Variants in RASAL2 observed in about 807,000 individuals in gnomAD.
RASAL2 encodes the protein RAS protein activator like 2.
In RASAL2, 58 loss-of-function variants were observed where a neutral mutation model predicts 128.9. That is an observed-to-expected ratio of 0.45 (90% CI 0.36 to 0.56). The LOEUF (loss-of-function observed/expected upper bound fraction) is 0.56, where lower values mean the gene tolerates loss of function less well. Among genes scored for constraint, RASAL2 ranks in the 20% least tolerant of loss-of-function variants. RASAL2 has a pLI of 0.00. For missense variants in RASAL2, 1,360 were observed against 1,601.6 expected, an observed-to-expected ratio of 0.85 and a Z score of 2.57; for synonymous variants, 561 against 580.8, an observed-to-expected ratio of 0.97 and a Z score of 0.49.
chr1:178,203,178 C>G (rs139169835), intron 1 of RASAL2, among the ~76,000 whole-genome samples: 11 of 152,306 alleles, frequency 7.2e-5, no homozygotes, highest in African/African-American at 2.6e-4. Flanking sequence ...CATATGTGGA[C>G]TCAAGGAATG....
At position 178,326,190 on chromosome 1, in the gene RASAL2, A is replaced by G. The variant is rs537012357; in HGVS notation, c.457+26072A>G. 3.3e-5 allele frequency among the ~76,000 whole-genome samples: 5 copies of G among 152,332 alleles called. 1 individual carries two copies. In the South Asian group the frequency reaches 1.0e-3, roughly 32 times the overall value. On this transcript the variant is annotated intron_variant, in intron 3 of 17. Coordinates refer to ENST00000367649, the MANE Select transcript of RASAL2 (RefSeq NM_170692.4). ...CTTTCCCAAGAAAAATTAATTTTGC[A>G]GAATCTCATGTACCCATGTAAAAGG...
intron 17 of RASAL2, among the ~76,000 whole-genome samples, chr1:178,471,120 T>A (rs1300248285): frequency 6.6e-6 from 1 of 152,188 alleles, no homozygotes; most frequent in Non-Finnish European, 1.5e-5. Flanking sequence ...AAATCAAATT[T>A]TTTATGAATT....
intron 4 of RASAL2, among the ~76,000 whole-genome samples, chr1:178,407,625 A>G (rs1489070988): frequency 6.6e-6 from 1 of 152,198 alleles, no homozygotes. Flanking sequence ...ATTTAAAAAT[A>G]GTTAATCACT....
intron 3 of RASAL2, among the ~76,000 whole-genome samples, chr1:178,325,234 A>G (rs1668981959): frequency 6.6e-6 from 1 of 152,204 alleles, no homozygotes; most frequent in South Asian, 2.1e-4. Context: ...GGAAAAATTC[A>G]AGGTAGAAAA....
chr1:178,135,230 T>C (rs1199050358), intron 1 of RASAL2, among the ~76,000 whole-genome samples: 1 of 152,290 alleles, frequency 6.6e-6, no homozygotes, highest in Non-Finnish European at 1.5e-5. Flanking sequence ...TGCATTGACA[T>C]GGTTAATGCA....
chr1:178,331,617 C>T (rs1372487852), intron 3 of RASAL2, among the ~76,000 whole-genome samples: 3 of 125,346 alleles, frequency 2.4e-5, no homozygotes, highest in East Asian at 2.2e-4. Context: ...GACAGATTCT[C>T]GCACTGTCAT....
Position 178,475,169 on chromosome 1 carries a change from CTTTCATAGCAATCCCTG to C in RASAL2, c.*1935_*1951del, listed in dbSNP as rs1242252772. The C allele has an allele frequency of 6.6e-6, 1 of 152,196 alleles. No individual in the cohort carries two copies. The highest frequency in any genetic ancestry group is 2.4e-5 in the African/African-American group (1 of 41,444). 9.4% of individuals were successfully genotyped at this position (152,196 alleles called of 1,614,324 possible). On this transcript the variant is annotated 3_prime_UTR_variant, in exon 18 of 18. Transcript: ENST00000367649. ...AACCCACAACCTTTTAAAACAGTTTCTTTCATAGCAATCCCTGTTTCTGCCAGACAGATCTAAAATGG... is the reference window on the plus strand; with the variant it reads ...AACCCACAACCTTTTAAAACAGTTTCTTTCTGCCAGACAGATCTAAAATGG...
chr1:178,445,874 A>G (rs542222088), intron 9 of RASAL2, among the ~76,000 whole-genome samples: 1 of 152,276 alleles, frequency 6.6e-6, no homozygotes, highest in African/African-American at 2.4e-5. Flanking sequence ...GTCAGCATAC[A>G]CTGCTACCCC....
At chr1:178,288,445 C>T (rs1020256932) in intron 2 of RASAL2, among the ~76,000 whole-genome samples, 1 of 151,858 alleles carries the variant, frequency 6.6e-6, no homozygotes, top group Non-Finnish European at 1.5e-5. Flanking sequence ...GCAACTGTTT[C>T]CTTCTACCCT....
chr1:178,367,416 C>T (rs1456368849), intron 3 of RASAL2, among the ~76,000 whole-genome samples: 4 of 152,106 alleles, frequency 2.6e-5, no homozygotes, highest in Non-Finnish European at 5.9e-5. Context: ...TTTTGCTTTA[C>T]TCTTCTCCTT....
At chr1:178,254,889 A>G (rs1003392697) in intron 1 of RASAL2, among the ~76,000 whole-genome samples, 8 of 152,210 alleles carry the variant, frequency 5.3e-5, no homozygotes, top group Non-Finnish European at 8.8e-5. Flanking sequence ...ACTGTCAGTC[A>G]AGTACAAGGA....
chr1:178,255,405 GTAATATATCATAGTA>G (rs1665289063), intron 1 of RASAL2, among the ~76,000 whole-genome samples: 1 of 151,936 alleles, frequency 6.6e-6, no homozygotes, highest in Non-Finnish European at 1.5e-5. Context: ...ATATAGAAAC[GTAATATATCATAGTA>G]TATTTGCTAA....
intron 4 of RASAL2, chr1:178,411,524 G>A: frequency 1.7e-6 from 1 of 574,994 alleles, no homozygotes; most frequent in Non-Finnish European, 3.2e-6. Flanking sequence ...AATCAGACAT[G>A]ACCTATTCCC....
chr1:178,185,085 T>A (rs1047309889), intron 1 of RASAL2, among the ~76,000 whole-genome samples: 1 of 151,944 alleles, frequency 6.6e-6, no homozygotes, highest in Non-Finnish European at 1.5e-5. Flanking sequence ...TGTGTGGGGA[T>A]GCCATCATAA....
intron 1 of RASAL2, among the ~76,000 whole-genome samples, chr1:178,130,939 A>T (rs1660083169): frequency 6.6e-6 from 1 of 152,048 alleles, no homozygotes; most frequent in Admixed American, 6.6e-5. Flanking sequence ...CTGTAGTCCC[A>T]GCTACTCGGG....
intron 1 of RASAL2, among the ~76,000 whole-genome samples, chr1:178,115,624 G>T (rs2102259255): frequency 6.6e-6 from 1 of 152,304 alleles, no homozygotes; most frequent in African/African-American, 2.4e-5. Context: ...GAGGGTACAT[G>T]GCATAGTATA....
intron 3 of RASAL2, among the ~76,000 whole-genome samples, chr1:178,361,315 A>G (rs951785715): frequency 6.6e-6 from 1 of 152,170 alleles, no homozygotes; most frequent in Admixed American, 6.5e-5. Flanking sequence ...TTCTGGATAC[A>G]TCTAGATACA....
intron 4 of RASAL2, among the ~76,000 whole-genome samples, chr1:178,417,182 T>C (rs375867733): frequency 9.8e-5 from 15 of 152,294 alleles, no homozygotes; most frequent in East Asian, 9.6e-4. Flanking sequence ...TATTCTTTTC[T>C]GGGTTATTTT....
intron 12 of RASAL2, chr1:178,456,445 G>A: frequency 3.9e-6 from 2 of 510,328 alleles, no homozygotes; most frequent in Non-Finnish European, 7.1e-6. Context: ...GTAGTTTTGA[G>A]CATGTCTTTT....
Sources: gnomAD v4.1 joint callset for allele counts (sites outside exome capture counted in the v4.1 genomes callset) on GRCh38, gnomAD v4.1.1 for gene constraint, MANE v1.5 for transcripts, NCBI Gene and HGNC (gene_info 2026-07-23, HGNC 2026-07-21) for gene names.